The following SMAP2 variants were observed in gnomAD, a reference collection of about 807,000 sequenced individuals.
SMAP2 encodes stromal membrane-associated protein 2.
Under a neutral mutation model 56.4 loss-of-function variants are expected in SMAP2, and 25 were observed. That is an observed-to-expected ratio of 0.44 (90% CI 0.32 to 0.62). The LOEUF is 0.62. Ranked by LOEUF, SMAP2 falls within the 20% of genes least tolerant of loss-of-function variation. The pLI, the probability that SMAP2 is intolerant of heterozygous loss-of-function variation, is 0.04. For synonymous variants in SMAP2, 157 were observed against 181.7 expected (o/e 0.86, Z 1.09); for missense variants, 388 against 545.6 (o/e 0.71, Z 2.88).
chr1:40,422,924 T>G lies in SMAP2; in HGVS notation c.*823T>G, dbSNP rs1038033488. On this transcript the variant is annotated 3_prime_UTR_variant, in exon 10 of 10. Coordinates refer to ENST00000372718, the MANE Select transcript of SMAP2 (RefSeq NM_022733.3). ...TGTGTGTGTGTGTATGAGTGTGTGT[T>G]CCGCCTCCCACCCTCTCCCCATCTG... The G allele has an allele frequency of 6.5e-6, 1 of 152,760 alleles. No individual in the cohort carries two copies. Among genetic ancestry groups the G allele is most frequent in the Non-Finnish European group, 1.5e-5 (1 of 68,306 alleles). The allele number at this position is 152,760 out of a possible 1,614,324, so 9.5% of individuals were successfully genotyped here. A position where few individuals can be genotyped will look rare whatever the true frequency, so the allele number is the denominator to read the frequency against.
intron 1 of SMAP2, among the ~76,000 whole-genome samples, chr1:40,355,792 T>A (rs1644432737): frequency 6.6e-6 from 1 of 152,150 alleles, no homozygotes; most frequent in Admixed American, 6.6e-5. Context: ...AAATTTTTTG[T>A]AGAGACGAGG....
At chr1:40,379,198 C>T (rs1158174690) in intron 1 of SMAP2, among the ~76,000 whole-genome samples, 1 of 152,118 alleles carries the variant, frequency 6.6e-6, no homozygotes, top group Non-Finnish European at 1.5e-5. Flanking sequence ...CCTCGAACTC[C>T]TGGCCTCGGG....
At chr1:40,360,981 A>C (rs1047354673) in intron 1 of SMAP2, among the ~76,000 whole-genome samples, 1 of 152,212 alleles carries the variant, frequency 6.6e-6, no homozygotes, top group Non-Finnish European at 1.5e-5. Context: ...GCCAGTGGAC[A>C]TGGGGGGCAC....
At chr1:40,347,112 C>T (rs1048805133) in intron 1 of SMAP2, among the ~76,000 whole-genome samples, 26 of 151,846 alleles carry the variant, frequency 1.7e-4, no homozygotes, top group African/African-American at 6.0e-4. Context: ...GGCATGATCT[C>T]GGCTCACTGC....
At chr1:40,355,038 C>G (rs1557821511) in intron 1 of SMAP2, among the ~76,000 whole-genome samples, 1 of 151,790 alleles carries the variant, frequency 6.6e-6, no homozygotes, top group Non-Finnish European at 1.5e-5. Flanking sequence ...CCCGCCTCAC[C>G]CTCCCAATGT....
intron 1 of SMAP2, chr1:40,375,852 C>T: frequency 2.7e-6 from 2 of 737,492 alleles, no homozygotes; most frequent in East Asian, 1.3e-4. Context: ...CTCATATTAC[C>T]CTTATACTTA....
rs183519473 is a variant in SMAP2 at position 40,390,794 on chromosome 1, C to G, written c.104-15942C>G. Among the ~76,000 whole-genome samples the G allele has an allele frequency of 2.8e-4, 43 of 152,248 alleles. 1 individual carries two copies. In the East Asian group the frequency reaches 3.7e-3, roughly 13 times the overall value. ...GGGCAAATGACTTGACCTCTCTAGG[C>G]CTTAGTTTCTCCAACTGTGCTTAGA... On this transcript the variant is annotated intron_variant, in intron 1 of 9. Transcript: ENST00000372718.
chr1:40,393,530 A>G (rs778735082), intron 1 of SMAP2: 13 of 1,081,240 alleles, frequency 1.2e-5, no homozygotes, highest in Non-Finnish European at 1.7e-5. Context: ...AAGTGTAAGT[A>G]GTTCTTCTAA....
Position 40,422,303 on chromosome 1 carries a change from A to G in SMAP2, c.*202A>G. ...TGTTGCTTTATGTTGTACATGCCCC[A>G]TAGCCATCCCAACGTCCTCCCCAGT... On this transcript the variant is annotated 3_prime_UTR_variant, in exon 10 of 10. Transcript: ENST00000372718. The G allele has an allele frequency of 6.5e-6, 4 of 619,642 alleles. No individual in the cohort carries two copies. The highest frequency in any genetic ancestry group is 1.1e-5 in the Non-Finnish European group (4 of 371,268). 38.4% of individuals were successfully genotyped at this position (619,642 alleles called of 1,614,324 possible).
intron 1 of SMAP2, among the ~76,000 whole-genome samples, chr1:40,384,358 G>T (rs943699443): frequency 6.6e-6 from 1 of 152,156 alleles, no homozygotes; most frequent in Non-Finnish European, 1.5e-5. Context: ...CACTGGGTCT[G>T]TTTTCTTCTA....
At chr1:40,407,901 C>T (rs942880750) in intron 2 of SMAP2, among the ~76,000 whole-genome samples, 7 of 152,184 alleles carry the variant, frequency 4.6e-5, no homozygotes, top group South Asian at 2.1e-4. Context: ...GGCCTAAGAG[C>T]TGTACCTTGA....
At position 40,408,781 on chromosome 1, in the gene SMAP2, A is replaced by T. The variant is rs376660684; in HGVS notation, c.323+43A>T. The T allele has an allele frequency of 3.3e-5, 49 of 1,500,370 alleles. No homozygotes were observed. In the African/African-American group the frequency reaches 3.6e-4, roughly 11 times the overall value. The allele number at this position is 1,500,370 out of a possible 1,614,324, so 92.9% of individuals were successfully genotyped here. On this transcript the variant is annotated intron_variant, in intron 3 of 9. Transcript: ENST00000372718. This position sits in a 1 kb window ranked among gnomAD's most constrained non-coding sequence, Gnocchi z 4.3. ...ACTTAGAAGGCTGAGTGGTATTTTG[A>T]TGCTTGGGGAGAGTCAGACAAGACT...
intron 9 of SMAP2, among the ~76,000 whole-genome samples, chr1:40,421,455 C>T (rs1645040919): frequency 1.3e-5 from 2 of 151,852 alleles, no homozygotes; most frequent in African/African-American, 4.8e-5. Flanking sequence ...TTAGTCTTCC[C>T]CCGCCCCCGC....
intron 1 of SMAP2, chr1:40,393,568 CAG>C: frequency 8.1e-7 from 1 of 1,241,560 alleles, no homozygotes; most frequent in Non-Finnish European, 1.1e-6. Flanking sequence ...TTTTTTGTGA[CAG>C]AGTCTTGCTC....
Position 40,416,084 on chromosome 1 carries a change from AGAT to A in SMAP2, c.682-90_682-88del, listed in dbSNP as rs1644983768. On this transcript the variant is annotated intron_variant, in intron 7 of 9. Transcript: ENST00000372718. ...AACTTGAGCCATGAATTCTTATTGCAGATGTTAGGAGCAGCAGAGAGGGAAGGG... is the reference window on the plus strand; with the variant it reads ...AACTTGAGCCATGAATTCTTATTGCAGTTAGGAGCAGCAGAGAGGGAAGGG... 14 of 1,210,520 alleles carry A rather than the reference AGAT, an allele frequency of 1.2e-5. No homozygotes were observed. The South Asian group carries it at 2.0e-4, about 17-fold the overall frequency. 75.0% of individuals were successfully genotyped at this position (1,210,520 alleles called of 1,614,324 possible).
At chr1:40,415,180 C>A in intron 6 of SMAP2, 92 bp from the exon 7 acceptor site, 2 of 940,446 alleles carry the variant, frequency 2.1e-6, no homozygotes, top group African/African-American at 1.6e-5. Flanking sequence ...GGTCCATGAG[C>A]TTATGGGCCA....
At chr1:40,347,292 C>T (rs1028360825) in intron 1 of SMAP2, among the ~76,000 whole-genome samples, 9 of 148,452 alleles carry the variant, frequency 6.1e-5, no homozygotes, top group African/African-American at 1.8e-4. Context: ...AGTTTCACCA[C>T]GTTGGCCAGG....
At chr1:40,391,815 T>C (rs1420527297) in intron 1 of SMAP2, among the ~76,000 whole-genome samples, 1 of 152,162 alleles carries the variant, frequency 6.6e-6, no homozygotes, top group African/African-American at 2.4e-5. Flanking sequence ...TTTTTGTTTT[T>C]AAATATATGA....
chr1:40,390,507 G>C (rs1644705353), intron 1 of SMAP2, among the ~76,000 whole-genome samples: 2 of 152,198 alleles, frequency 1.3e-5, no homozygotes, highest in South Asian at 2.1e-4. Flanking sequence ...TCAGTCTTGA[G>C]CTCTAGTAGG....
Sources: allele counts gnomAD v4.1 joint callset (sites outside exome capture counted in the v4.1 genomes callset), GRCh38; gene constraint gnomAD v4.1.1; non-coding constraint Gnocchi (gnomAD v3.1); transcripts MANE v1.5; gene names NCBI Gene and HGNC (gene_info 2026-07-23, HGNC 2026-07-21).